The following POMK variants were observed in gnomAD, a reference collection of about 807,000 sequenced individuals.
The protein encoded by POMK is protein O-mannose kinase.
In POMK, 19 loss-of-function variants were observed where a neutral mutation model predicts 23.0. The observed-to-expected ratio is 0.83, with a 90% CI of 0.58 to 1.21. POMK has a LOEUF of 1.21. POMK is among the 50% of genes most tolerant of loss of function. The pLI, the probability that POMK is intolerant of heterozygous loss-of-function variation, is 0.00. For synonymous variants in POMK, 173 were observed against 171.6 expected, an observed-to-expected ratio of 1.01 and a Z score of -0.06; for missense variants, 410 against 431.3, an observed-to-expected ratio of 0.95 and a Z score of 0.44.
chr8:43,096,585 A>G (rs1017050575), intron 1 of POMK, among the ~76,000 whole-genome samples: 6 of 152,208 alleles, frequency 3.9e-5, no homozygotes, highest in Admixed American at 2.6e-4. Flanking sequence ...AGGCAGGAGA[A>G]TCCCTTTAAC....
At chr8:43,120,789 T>TCCC (rs1811902068) in intron 4 of POMK, among the ~76,000 whole-genome samples, 1 of 151,964 alleles carries the variant, frequency 6.6e-6, no homozygotes, top group African/African-American at 2.4e-5. Flanking sequence ...GTGATTCTCC[T>TCCC]GCCTCAGCCT....
chr8:43,100,784 G>A (rs1199993780), intron 2 of POMK, among the ~76,000 whole-genome samples: 1 of 151,958 alleles, frequency 6.6e-6, no homozygotes, highest in Non-Finnish European at 1.5e-5. Flanking sequence ...CTGTGAGGTA[G>A]GGGGTGGTGG....
intron 4 of POMK, among the ~76,000 whole-genome samples, chr8:43,117,146 G>A (rs1811817632): frequency 6.6e-6 from 1 of 152,084 alleles, no homozygotes; most frequent in African/African-American, 2.4e-5. Context: ...GGCAAGGAGC[G>A]GCCATTTACA....
intron 4 of POMK, among the ~76,000 whole-genome samples, chr8:43,110,215 T>C (rs1189008965): frequency 1.3e-5 from 2 of 152,148 alleles, no homozygotes; most frequent in African/African-American, 4.8e-5. Flanking sequence ...TAGTCTCAAG[T>C]GCATATTACA....
chr8:43,113,168 A>AT lies in POMK; in HGVS notation c.283-8937dup, dbSNP rs1811716011. ...TCTGAAAGTTGGCCTGCCTTGCTAG[A>AT]TTGTGGAAGTTCTCCTGGATAATAT... On this transcript the variant is annotated intron_variant, in intron 4 of 4. Transcript: ENST00000331373. 2.6e-5 allele frequency among the ~76,000 whole-genome samples: 4 copies of AT among 152,242 alleles called. No individual in the cohort carries two copies. In the South Asian group the frequency reaches 8.3e-4, roughly 32 times the overall value.
At chr8:43,114,350 A>G (rs1307574544) in intron 4 of POMK, among the ~76,000 whole-genome samples, 2 of 152,154 alleles carry the variant, frequency 1.3e-5, no homozygotes, top group African/African-American at 4.8e-5. Flanking sequence ...GCGGCCTTGC[A>G]GTTTGATCTC....
At position 43,103,580 on chromosome 8, in the gene POMK, G is replaced by C. The variant is rs1393776560; in HGVS notation, c.32G>C (p.Gly11Ala). 3.7e-6 allele frequency: 6 copies of C among 1,614,018 alleles called. No individual in the cohort carries two copies. The highest frequency in any genetic ancestry group is 5.1e-6 in the Non-Finnish European group (6 of 1,179,988). ...AAGCAGCCCCAGAACAGCAGGAGAG[G>C]CCTCGCCCCCCGAGAGGTGCCGCCA... MEKQPQNSRR[G>A]LAPREVPPAV... is the part of the protein sequence containing the mutation. The change falls in exon 4 of 5, where the codon GGC becomes GCC. Residue 11 changes from glycine to alanine, a missense_variant. Gly to Ala is a moderately conservative substitution (Grantham distance 60). Transcript: ENST00000331373.
intron 2 of POMK, among the ~76,000 whole-genome samples, chr8:43,099,850 A>G (rs1053439011): frequency 2.6e-5 from 4 of 152,118 alleles, no homozygotes; most frequent in Non-Finnish European, 5.9e-5. Flanking sequence ...TTTTTCTAGT[A>G]AAATAGGATG....
At chr8:43,115,414 C>T (rs1462358864) in intron 4 of POMK, among the ~76,000 whole-genome samples, 1 of 152,216 alleles carries the variant, frequency 6.6e-6, no homozygotes, top group African/African-American at 2.4e-5. Flanking sequence ...AGATCTCCCT[C>T]AGAGCCTACT....
At position 43,093,517 on chromosome 8, in the gene POMK, T is replaced by C. The variant is rs1250573678; in HGVS notation, c.-256T>C. On this transcript the variant is annotated 5_prime_UTR_variant, in exon 1 of 5. Transcript: ENST00000331373. ...GAACGCGCAAGCGCAGTAGGCCCAGTGCGTGCTGGCCCGGGGTGGCAGGAG... is the reference window on the plus strand; with the variant it reads ...GAACGCGCAAGCGCAGTAGGCCCAGCGCGTGCTGGCCCGGGGTGGCAGGAG... 6.6e-6 allele frequency: 1 copy of C among 152,576 alleles called. No individual in the cohort carries two copies. The highest frequency in any genetic ancestry group is 1.5e-5 in the Non-Finnish European group (1 of 68,366). 9.5% of individuals were successfully genotyped at this position (152,576 alleles called of 1,614,324 possible). A position where few individuals can be genotyped will look rare whatever the true frequency, so the allele number is the denominator to read the frequency against.
intron 4 of POMK, among the ~76,000 whole-genome samples, chr8:43,111,313 C>G (rs935501654): frequency 6.6e-6 from 1 of 152,180 alleles, no homozygotes; most frequent in Admixed American, 6.5e-5. Context: ...CCCATGGAGC[C>G]TCACTCATTG....
At chr8:43,110,869 G>A (rs559841820) in intron 4 of POMK, among the ~76,000 whole-genome samples, 159 of 152,164 alleles carry the variant, frequency 1.0e-3, no homozygotes, top group African/African-American at 3.5e-3. Flanking sequence ...GCAGTGAGCC[G>A]AGATCGCGCC....
At chr8:43,103,426 C>A in intron 3 of POMK, 102 bp from the exon 4 acceptor site, 4 of 1,105,894 alleles carry the variant, frequency 3.6e-6, no homozygotes, top group Non-Finnish European at 5.3e-6. Context: ...AACGCTGCAG[C>A]TTACAGGACC....
chr8:43,101,522 A>G (rs1203515833), intron 2 of POMK, among the ~76,000 whole-genome samples: 1 of 152,098 alleles, frequency 6.6e-6, no homozygotes, highest in African/African-American at 2.4e-5. Context: ...AAAGCCATGT[A>G]GAACTGAGTG....
At chr8:43,095,411 G>GA (rs1811314645) in intron 1 of POMK, among the ~76,000 whole-genome samples, 1 of 152,166 alleles carries the variant, frequency 6.6e-6, no homozygotes, top group African/African-American at 2.4e-5. Flanking sequence ...ATTCAGAAGT[G>GA]AATGTGAGGA....
intron 4 of POMK, among the ~76,000 whole-genome samples, chr8:43,110,337 A>G (rs1227641354): frequency 1.3e-5 from 2 of 152,240 alleles, no homozygotes; most frequent in African/African-American, 4.8e-5. Flanking sequence ...TTTCCAGTGT[A>G]GCTAGGGAGT....
rs1392752976 is a variant in POMK, at chr8:43,103,716, C to G, written c.168C>G (p.Pro56=). 13 of 1,614,056 alleles carry G rather than the reference C, an allele frequency of 8.1e-6. No individual in the cohort carries two copies. The highest frequency in any genetic ancestry group is 2.7e-5 in the African/African-American group (2 of 74,928). Residue 56 remains proline, a synonymous_variant, in exon 4 of 5, where the codon CCC becomes CCG. Transcript: ENST00000331373. ...RQSTVDPTHC[P]YGHFRIGQMK... is the part of the protein sequence containing the mutation. The stretch of plus-strand genomic sequence containing the variant: ...CCACTGTGGACCCCACACACTGTCC[C>G]TATGGTCACTTCAGGATAGGACAGA...
intron 4 of POMK, among the ~76,000 whole-genome samples, chr8:43,114,170 G>A (rs577258238): frequency 2.1e-4 from 32 of 152,380 alleles, no homozygotes; most frequent in African/African-American, 7.2e-4. Context: ...AGTCTGCAGA[G>A]GTTACTGCTG....
chr8:43,122,002 C>A (rs1811926433), intron 4 of POMK, 105 bp from the exon 5 acceptor site: 2 of 1,121,132 alleles, frequency 1.8e-6, no homozygotes, highest in Admixed American at 4.0e-5. Flanking sequence ...TTGTTAATTT[C>A]TGTATCTTCT....
Sources: gnomAD v4.1 joint callset for allele counts (sites outside exome capture counted in the v4.1 genomes callset) on GRCh38, gnomAD v4.1.1 for gene constraint, MANE v1.5 for transcripts, NCBI Gene and HGNC (gene_info 2026-07-23, HGNC 2026-07-21) for gene names.